The following DGKB variants were observed in gnomAD, a reference collection of about 807,000 sequenced individuals.
The protein encoded by DGKB is diacylglycerol kinase beta, also known as 90 kDa diacylglycerol kinase.
In DGKB, 67 loss-of-function variants were observed where a neutral mutation model predicts 114.3. The ratio of observed to expected loss-of-function variants is 0.59; its 90% CI spans 0.48 to 0.72. The LOEUF is 0.72. DGKB is among the 30% of genes least tolerant of loss of function. The pLI, the probability that DGKB is intolerant of heterozygous loss-of-function variation, is 0.00. For synonymous variants in DGKB, 398 were observed against 323.1 expected (o/e 1.23, Z -2.49); for missense variants, 907 against 975.2 (o/e 0.93, Z 0.93).
intron 25 of DGKB, chr7:14,176,447 A>G: frequency 1.0e-6 from 1 of 988,968 alleles, no homozygotes; most frequent in Non-Finnish European, 1.2e-6. Flanking sequence ...GCTGAGAAAT[A>G]AGTTCACATA....
chr7:14,658,065 A>T (rs1008407040), intron 13 of DGKB, among the ~76,000 whole-genome samples: 2 of 151,982 alleles, frequency 1.3e-5, no homozygotes, highest in Admixed American at 6.6e-5. Flanking sequence ...TACAATGCAT[A>T]ATTTAGTAGA....
At chr7:14,436,211 C>T (rs1424146776) in intron 21 of DGKB, among the ~76,000 whole-genome samples, 2 of 152,074 alleles carry the variant, frequency 1.3e-5, no homozygotes, top group South Asian at 2.1e-4. Context: ...CACTGGATCT[C>T]ATGTTAAGTG....
chr7:14,858,294 C>G (rs1174433461), intron 1 of DGKB, among the ~76,000 whole-genome samples: 1 of 152,084 alleles, frequency 6.6e-6, no homozygotes, highest in Non-Finnish European at 1.5e-5. Flanking sequence ...CAGCAGATAT[C>G]TAAGTTCAAG....
At chr7:14,691,694 A>G (rs1822895639) in intron 9 of DGKB, among the ~76,000 whole-genome samples, 1 of 152,088 alleles carries the variant, frequency 6.6e-6, no homozygotes, top group African/African-American at 2.4e-5. Flanking sequence ...CTTTTTTCAC[A>G]AAAATGAAAG....
intron 15 of DGKB, among the ~76,000 whole-genome samples, chr7:14,618,724 TA>T (rs910000005): frequency 6.6e-6 from 1 of 151,498 alleles, no homozygotes; most frequent in African/African-American, 2.4e-5. Context: ...TTACTTCCTC[TA>T]ATTAGAAATA....
intron 25 of DGKB, among the ~76,000 whole-genome samples, chr7:14,160,018 T>A (rs565133725): frequency 3.3e-5 from 5 of 152,246 alleles, no homozygotes; most frequent in African/African-American, 1.2e-4. Flanking sequence ...AGTTGTAAAT[T>A]ATATTTATGG....
intron 1 of DGKB, among the ~76,000 whole-genome samples, chr7:14,879,543 C>A (rs1853893183): frequency 6.6e-6 from 1 of 152,172 alleles, no homozygotes; most frequent in Non-Finnish European, 1.5e-5. Flanking sequence ...ACCTGAGTGG[C>A]AGAAACTTTT....
chr7:14,610,818 T>C (rs563826681), intron 16 of DGKB, among the ~76,000 whole-genome samples: 14 of 152,260 alleles, frequency 9.2e-5, no homozygotes, highest in African/African-American at 3.4e-4. Context: ...TCTATCCCAC[T>C]GCCTTACTTA....
chr7:14,867,433 GT>G (rs77163900), intron 1 of DGKB, among the ~76,000 whole-genome samples: 7,494 of 144,482 alleles, frequency 0.052, 328 homozygotes, highest in East Asian at 0.27. Context: ...TCTAGATTCT[GT>G]TTTTTTTTTT....
chr7:14,838,988 T>G (rs1847539451), intron 2 of DGKB, among the ~76,000 whole-genome samples: 1 of 152,192 alleles, frequency 6.6e-6, no homozygotes, highest in African/African-American at 2.4e-5. Flanking sequence ...AAATATTTGT[T>G]TCAAATCCTC....
At chr7:14,246,934 C>T (rs1280818230) in intron 23 of DGKB, among the ~76,000 whole-genome samples, 1 of 152,112 alleles carries the variant, frequency 6.6e-6, no homozygotes. Flanking sequence ...AGAATATATT[C>T]ATCCTGCAAA....
intron 13 of DGKB, among the ~76,000 whole-genome samples, chr7:14,647,727 A>T (rs1356789865): frequency 3.9e-5 from 6 of 152,152 alleles, no homozygotes; most frequent in Non-Finnish European, 8.8e-5. Flanking sequence ...TTTCCATCTG[A>T]GGTACCGGGT....
At chr7:14,718,727 G>T (rs370600570) in intron 5 of DGKB, 42 bp from the exon 6 acceptor site, 1 of 1,439,236 alleles carries the variant, frequency 6.9e-7, no homozygotes, top group African/African-American at 1.4e-5. Context: ...ATTATTTACA[G>T]TGATCTCAAA....
At chr7:14,549,664 A>T (rs1317563823) in intron 20 of DGKB, among the ~76,000 whole-genome samples, 2 of 152,122 alleles carry the variant, frequency 1.3e-5, no homozygotes, top group Non-Finnish European at 2.9e-5. Context: ...AAAAACACAG[A>T]AAAGTTATCT....
intron 15 of DGKB, among the ~76,000 whole-genome samples, chr7:14,615,282 C>T (rs10226842): frequency 0.027 from 4,134 of 151,892 alleles, 174 homozygotes; most frequent in African/African-American, 0.095. Flanking sequence ...TCCCTAAAGT[C>T]AACATTCATT....
chr7:14,770,705 C>A (rs973454306), intron 2 of DGKB, among the ~76,000 whole-genome samples: 1 of 152,058 alleles, frequency 6.6e-6, no homozygotes, highest in Non-Finnish European at 1.5e-5. Flanking sequence ...CTTTATGCCT[C>A]CTAGCACCAC....
chr7:14,533,035 G>A (rs960589557), intron 20 of DGKB, among the ~76,000 whole-genome samples: 4 of 151,630 alleles, frequency 2.6e-5, no homozygotes, highest in Admixed American at 2.0e-4. Flanking sequence ...CAACTCTAAC[G>A]AAATGAAAGT....
At chr7:14,450,031 C>T (rs1381724252) in intron 21 of DGKB, among the ~76,000 whole-genome samples, 3 of 151,894 alleles carry the variant, frequency 2.0e-5, no homozygotes, top group African/African-American at 7.3e-5. Context: ...TGCTAGGCGA[C>T]AGGAACTAAT....
intron 8 of DGKB, among the ~76,000 whole-genome samples, chr7:14,695,067 G>C (rs1455931793): frequency 1.3e-5 from 2 of 152,100 alleles, no homozygotes; most frequent in African/African-American, 2.4e-5. Flanking sequence ...AATGCAGAGA[G>C]CATTGGAACA....
Sources: gnomAD v4.1 joint callset for allele counts (sites outside exome capture counted in the v4.1 genomes callset) on GRCh38, gnomAD v4.1.1 for gene constraint, MANE v1.5 for transcripts, NCBI Gene and HGNC (gene_info 2026-07-23, HGNC 2026-07-21) for gene names.